FGFR2: variants seen among roughly 807,000 people sequenced by gnomAD.
FGFR2 encodes fibroblast growth factor receptor 2, also known as BEK fibroblast growth factor receptor.
Under a neutral mutation model 95.9 loss-of-function variants are expected in FGFR2, and 19 were observed. The ratio of observed to expected loss-of-function variants is 0.20; its 90% CI spans 0.14 to 0.29. The LOEUF (loss-of-function observed/expected upper bound fraction) is 0.29, where lower values mean the gene tolerates loss of function less well. Ranked by LOEUF, FGFR2 falls within the 10% of genes least tolerant of loss-of-function variation. The pLI, the probability that FGFR2 is intolerant of heterozygous loss-of-function variation, is 1.00. For synonymous variants in FGFR2, 392 were observed against 393.3 expected (o/e 1.00, Z 0.04); for missense variants, 707 against 1,056.9 (o/e 0.67, Z 4.59).
chr10:121,527,393 CAG>C (rs1394291438), intron 6 of FGFR2, among the ~76,000 whole-genome samples: 1 of 152,072 alleles, frequency 6.6e-6, no homozygotes, highest in South Asian at 2.1e-4. Context: ...CTTTGGTAAC[CAG>C]AGAGTTATTA....
intron 4 of FGFR2, among the ~76,000 whole-genome samples, chr10:121,556,740 C>T (rs547686797): frequency 7.2e-5 from 11 of 152,298 alleles, no homozygotes; most frequent in African/African-American, 2.4e-4. Flanking sequence ...TGACTGCCAA[C>T]TGTATTTTTA....
At chr10:121,529,611 C>T (rs939785961) in intron 6 of FGFR2, among the ~76,000 whole-genome samples, 1 of 152,204 alleles carries the variant, frequency 6.6e-6, no homozygotes, top group African/African-American at 2.4e-5. Flanking sequence ...CACCATTTGA[C>T]CTGTAGATTT....
chr10:121,513,947 A>C (rs1217907847), intron 9 of FGFR2, among the ~76,000 whole-genome samples: 1 of 152,158 alleles, frequency 6.6e-6, no homozygotes, highest in Non-Finnish European at 1.5e-5. Context: ...AATCCTTCCT[A>C]ATGCCTTGTC....
Position 121,554,663 on chromosome 10 carries a change from G to A in FGFR2, c.455-3204C>T, listed in dbSNP as rs569015437. Among the ~76,000 whole-genome samples, 590 of 152,110 alleles carry A rather than the reference G, an allele frequency of 3.9e-3. 1 individual carries two copies. Among genetic ancestry groups the A allele is most frequent in the African/African-American group, 0.013 (528 of 41,494 alleles). ...TGGGATTACAGGCGTGAGCTACCGC[G>A]CCCGGCTGGAACTCTTTTATAATTT... On this transcript the variant is annotated intron_variant, in intron 4 of 17. Transcript: ENST00000358487.
chr10:121,566,945 C>T (rs1857761243), intron 2 of FGFR2, among the ~76,000 whole-genome samples: 1 of 152,128 alleles, frequency 6.6e-6, no homozygotes, highest in Admixed American at 6.5e-5. Context: ...TTATTAATAA[C>T]AACAGCTGGA....
intron 9 of FGFR2, among the ~76,000 whole-genome samples, chr10:121,510,824 C>G (rs11199991): frequency 0.31 from 44,758 of 145,798 alleles, 6,881 homozygotes; most frequent in African/African-American, 0.39. Context: ...TTGTGTGAGA[C>G]GGAGTATCAC....
chr10:121,591,413 G>A (rs893762304), intron 2 of FGFR2, among the ~76,000 whole-genome samples: 8 of 152,232 alleles, frequency 5.3e-5, no homozygotes, highest in Non-Finnish European at 1.0e-4. Flanking sequence ...CCATGCACCC[G>A]GTGCTTACTG....
chr10:121,497,441 C>T (rs3135788), intron 12 of FGFR2, among the ~76,000 whole-genome samples: 188 of 152,240 alleles, frequency 1.2e-3, no homozygotes, highest in Middle Eastern at 6.8e-3. Flanking sequence ...ACATTTTTTA[C>T]CCATACATTA....
At chr10:121,593,431 G>A (rs752305052) in intron 2 of FGFR2, among the ~76,000 whole-genome samples, 6 of 152,114 alleles carry the variant, frequency 3.9e-5, no homozygotes, top group East Asian at 1.9e-4. Flanking sequence ...CAGCTCTCTC[G>A]GGCACTGGAT....
intron 2 of FGFR2, among the ~76,000 whole-genome samples, chr10:121,578,172 T>C (rs1860232505): frequency 6.6e-6 from 1 of 151,974 alleles, no homozygotes; most frequent in Non-Finnish European, 1.5e-5. Flanking sequence ...GAAAAGCACA[T>C]GATCTCTACT....
intron 2 of FGFR2, among the ~76,000 whole-genome samples, chr10:121,574,460 CG>C (rs1299403589): frequency 6.6e-6 from 1 of 151,984 alleles, no homozygotes; most frequent in African/African-American, 2.4e-5. Context: ...ATCCGGGAGG[CG>C]GGGGTTGCAG....
intron 10 of FGFR2, among the ~76,000 whole-genome samples, chr10:121,501,613 C>T (rs1259342975): frequency 6.6e-6 from 1 of 152,158 alleles, no homozygotes; most frequent in African/African-American, 2.4e-5. Flanking sequence ...CATATATTGT[C>T]CTTGTGCATT....
In FGFR2 at chr10:121,479,576, G is replaced by C; in HGVS notation, c.*281C>G. 4 of 1,545,520 alleles carry C rather than the reference G, an allele frequency of 2.6e-6. No homozygotes were observed. The highest frequency in any genetic ancestry group is 3.5e-6 in the Non-Finnish European group (4 of 1,143,752). ...GGAAGGCAGAACGCACGTCCACCTT[G>C]AGTCCTACTGGTCCACAGCCAGTAC... On this transcript the variant is annotated 3_prime_UTR_variant, in exon 18 of 18. Coordinates refer to ENST00000358487, the MANE Select transcript of FGFR2 (RefSeq NM_000141.5).
intron 6 of FGFR2, among the ~76,000 whole-genome samples, chr10:121,524,061 T>G (rs1850936160): frequency 6.7e-6 from 1 of 149,752 alleles, no homozygotes; most frequent in African/African-American, 2.5e-5. Context: ...GCTGCTGAGC[T>G]CCAGTTATTA....
At chr10:121,504,314 G>C (rs547165495) in intron 9 of FGFR2, among the ~76,000 whole-genome samples, 9 of 152,298 alleles carry the variant, frequency 5.9e-5, no homozygotes, top group Non-Finnish European at 1.5e-5. Context: ...TGGAGCCCTG[G>C]ATAATGGATC....
chr10:121,526,116 G>T (rs1564929979), intron 6 of FGFR2: 1 of 398,322 alleles, frequency 2.5e-6, no homozygotes, highest in East Asian at 3.6e-5. Flanking sequence ...GGATAACCTC[G>T]CTTGCTCTGT....
At chr10:121,548,364 C>T (rs781372416) in intron 5 of FGFR2, among the ~76,000 whole-genome samples, 7 of 138,056 alleles carry the variant, frequency 5.1e-5, no homozygotes, top group East Asian at 2.2e-4. Context: ...CAGCGTGATA[C>T]AACAAAATCA....
At chr10:121,559,056 A>G (rs1474122312) in intron 4 of FGFR2, among the ~76,000 whole-genome samples, 1 of 144,954 alleles carries the variant, frequency 6.9e-6, no homozygotes, top group African/African-American at 2.6e-5. Context: ...CCTGCAATAT[A>G]TTTTTCCAAC....
chr10:121,580,196 G>C (rs1487899526), intron 2 of FGFR2, among the ~76,000 whole-genome samples: 1 of 152,172 alleles, frequency 6.6e-6, no homozygotes, highest in African/African-American at 2.4e-5. Context: ...ATTCCAGGAG[G>C]GCAAGGCTGC....
Sources: allele counts gnomAD v4.1 joint callset (sites outside exome capture counted in the v4.1 genomes callset), GRCh38; gene constraint gnomAD v4.1.1; transcripts MANE v1.5; gene names NCBI Gene and HGNC (gene_info 2026-07-23, HGNC 2026-07-21).